The following ALDH5A1 variants were observed in gnomAD, a reference collection of about 807,000 sequenced individuals.
The protein encoded by ALDH5A1 is succinate-semialdehyde dehydrogenase, mitochondrial.
Under a neutral mutation model 54.7 loss-of-function variants are expected in ALDH5A1, and 33 were observed. That is an observed-to-expected ratio of 0.60 (90% CI 0.46 to 0.81). The LOEUF (loss-of-function observed/expected upper bound fraction) is 0.81, where lower values mean the gene tolerates loss of function less well. Ranked by LOEUF, ALDH5A1 falls within the 30% of genes least tolerant of loss-of-function variation. The pLI is 0.00. For synonymous variants in ALDH5A1, 294 were observed against 292.7 expected, an observed-to-expected ratio of 1.00 and a Z score of -0.05; for missense variants, 657 against 711.0, an observed-to-expected ratio of 0.92 and a Z score of 0.86.
At chr6:24,525,397 C>T (rs1349842464) in intron 7 of ALDH5A1, among the ~76,000 whole-genome samples, 1 of 151,988 alleles carries the variant, frequency 6.6e-6, no homozygotes, top group African/African-American at 2.4e-5. Flanking sequence ...TCCTGAAACC[C>T]TATAGAAAAT....
chr6:24,529,505 C>A (rs76549789), intron 8 of ALDH5A1, among the ~76,000 whole-genome samples: 243 of 152,134 alleles, frequency 1.6e-3, no homozygotes, highest in African/African-American at 5.8e-3. Flanking sequence ...GCCAAGAAAT[C>A]TGATTCTTGC....
rs1581801050 is a variant in ALDH5A1, at chr6:24,495,313, A to G, written c.317A>G (p.Tyr106Cys). The part of the protein sequence containing the change: ...REARAAVRAA[Y>C]EAFCRWREVS... ...GCCCGCGCCGCCGTGCGCGCTGCCT[A>G]CGAGGCTTTCTGCCGCTGGAGGGAG... Residue 106 changes from tyrosine (Y) to cysteine (C), a missense_variant, in exon 1 of 10, where the codon TAC becomes TGC. By Grantham distance (194) the Tyr-to-Cys change is radical. Coordinates refer to ENST00000357578, the MANE Select transcript of ALDH5A1 (RefSeq NM_001080.3). The G allele has an allele frequency of 4.6e-6, 7 of 1,533,166 alleles. No individual in the cohort carries two copies. The highest frequency in any genetic ancestry group is 2.4e-5 in the East Asian group (1 of 40,852). The allele number at this position is 1,533,166 out of a possible 1,614,324, so 95.0% of individuals were successfully genotyped here.
Position 24,503,304 on chromosome 6 carries a change from C to A in ALDH5A1, c.480C>A (p.Ser160=), listed in dbSNP as rs143486700. 1 of 1,614,032 alleles carries A rather than the reference C, an allele frequency of 6.2e-7. No homozygotes were observed. Among genetic ancestry groups the A allele is most frequent in the Admixed American group, 1.7e-5 (1 of 60,008 alleles). Reference sequence around the variant, plus strand: ...AGGCACATGGAGAAATTCTCTATTCCGCCTTTTTCCTAGAGTGGTTCTCTG... The same window carrying A: ...AGGCACATGGAGAAATTCTCTATTCAGCCTTTTTCCTAGAGTGGTTCTCTG... The part of the protein sequence containing the change: ...LKEAHGEILY[S]AFFLEWFSEE... The change falls in exon 3 of 10, where the codon TCC becomes TCA. Residue 160 remains serine (S), a synonymous_variant. Transcript: ENST00000357578.
chr6:24,498,250 G>C (rs981225477), intron 1 of ALDH5A1, among the ~76,000 whole-genome samples: 1 of 152,180 alleles, frequency 6.6e-6, no homozygotes, highest in African/African-American at 2.4e-5. Flanking sequence ...AAGCAGTTGG[G>C]TGTATGAGTC....
rs1403058311 is a variant in ALDH5A1 at position 24,515,169 on chromosome 6, T to G, written c.729T>G (p.Leu243=). 1 of 1,612,458 alleles carries G rather than the reference T, an allele frequency of 6.2e-7. No individual in the cohort carries two copies. Among genetic ancestry groups the G allele is most frequent in the Admixed American group, 1.7e-5 (1 of 59,876 alleles). The part of the protein sequence containing the change: ...TPFSALALAE[L]ASQAGIPSGV... Reference sequence around the variant, plus strand: ...ATGTTTGCTGTTTCTCTTTATAGCTTGCAAGCCAGGCTGGGATTCCTTCAG... The same window carrying G: ...ATGTTTGCTGTTTCTCTTTATAGCTGGCAAGCCAGGCTGGGATTCCTTCAG... Residue 243 remains leucine, a splice_region_variant and synonymous_variant, in exon 5 of 10, where the codon CTT becomes CTG. Transcript: ENST00000357578.
At chr6:24,516,423 AGAGT>A (rs1287080728) in intron 5 of ALDH5A1, among the ~76,000 whole-genome samples, 3 of 138,430 alleles carry the variant, frequency 2.2e-5, no homozygotes, top group South Asian at 4.9e-4. Context: ...CCTGGGCGAC[AGAGT>A]GAGACTCTGT....
chr6:24,498,127 T>C (rs149506505), intron 1 of ALDH5A1, among the ~76,000 whole-genome samples: 3 of 152,126 alleles, frequency 2.0e-5, no homozygotes, highest in East Asian at 1.9e-4. Flanking sequence ...GCCTGAGCAA[T>C]TGGAAGGATG....
rs139486423 is a variant in ALDH5A1, at chr6:24,503,305, G to T, written c.481G>T (p.Ala161Ser). The T allele has an allele frequency of 6.2e-7, 1 of 1,614,052 alleles. No homozygotes were observed. Among genetic ancestry groups the T allele is most frequent in the East Asian group, 2.2e-5 (1 of 44,880 alleles). The change falls in exon 3 of 10, where the codon GCC becomes TCC. Residue 161 changes from alanine to serine, a missense_variant. Around this residue, in one of 2 missense-constraint regions of ALDH5A1, gnomAD observed 425 missense variants for 516.4 expected, o/e 0.82. Coordinates refer to ENST00000357578, the MANE Select transcript of ALDH5A1 (RefSeq NM_001080.3). ...GGCACATGGAGAAATTCTCTATTCC[G>T]CCTTTTTCCTAGAGTGGTTCTCTGA... ...KEAHGEILYSAFFLEWFSEEA... is the reference protein window; with the variant it reads ...KEAHGEILYSSFFLEWFSEEA...
At chr6:24,501,814 T>G (rs2817218) in intron 1 of ALDH5A1, among the ~76,000 whole-genome samples, 126,571 of 151,422 alleles carry the variant, frequency 0.84, 53,643 homozygotes, top group Non-Finnish European at 0.92. Context: ...AACACAGAAG[T>G]TCAATGTATG....
rs1399417438 is a variant in ALDH5A1 at position 24,532,112 on chromosome 6, T to C, written c.1344-7T>C. 5.0e-6 allele frequency: 8 copies of C among 1,613,958 alleles called. No individual in the cohort carries two copies. The highest frequency in any genetic ancestry group is 6.8e-6 in the Non-Finnish European group (8 of 1,179,912). On this transcript the variant is annotated splice_polypyrimidine_tract_variant and splice_region_variant and intron_variant, in intron 8 of 9. Transcript: ENST00000357578. ...ACATTTTTTATGACCTATCTTAACT[T>C]TGGCAGGTTCGATACAGAGGAGGAG...
At chr6:24,524,908 C>T (rs1362774733) in intron 7 of ALDH5A1, among the ~76,000 whole-genome samples, 1 of 152,138 alleles carries the variant, frequency 6.6e-6, no homozygotes, top group Non-Finnish European at 1.5e-5. Flanking sequence ...TTTCTAAGTG[C>T]CCCAGTATGA....
intron 4 of ALDH5A1, among the ~76,000 whole-genome samples, chr6:24,506,591 A>G (rs1274689713): frequency 6.6e-6 from 1 of 152,080 alleles, no homozygotes; most frequent in East Asian, 1.9e-4. Context: ...GACTGAATTA[A>G]TATTCTGTAT....
In ALDH5A1 at chr6:24,528,369, TTTTTTC is replaced by T. The variant is rs141038864; in HGVS notation, c.1343+209_1343+214del. ...CATAAAATTTATCAAATTCTATTTT[TTTTTTC>T]TTTTTGAGATGGAGTTTCACTGTGT... is the stretch of plus-strand genomic sequence containing the variant. On this transcript the variant is annotated intron_variant, in intron 8 of 9. Transcript: ENST00000357578. Among the ~76,000 whole-genome samples the T allele has an allele frequency of 0.021, 3,252 of 152,262 alleles. 55 individuals carry two copies. Among genetic ancestry groups the T allele is most frequent in the African/African-American group, 0.055 (2,278 of 41,532 alleles).
At position 24,495,160 on chromosome 6, in the gene ALDH5A1, C is replaced by G. The variant is rs1472036270; in HGVS notation, c.164C>G (p.Ser55Cys). Reference sequence around the variant, plus strand: ...TACGCTGGGCGCCTGGCGGGCCTCTCTGCGGCGCTGCTGCGCACCGACAGC... The same window carrying G: ...TACGCTGGGCGCCTGGCGGGCCTCTGTGCGGCGCTGCTGCGCACCGACAGC... ...RCYAGRLAGL[S>C]AALLRTDSFV... Residue 55 changes from serine (S) to cysteine (C), a missense_variant, in exon 1 of 10, where the codon TCT becomes TGT. Ser to Cys is a moderately radical substitution (Grantham distance 112). Transcript: ENST00000357578. 2 of 1,460,548 alleles carry G rather than the reference C, an allele frequency of 1.4e-6. No homozygotes were observed. The highest frequency in any genetic ancestry group is 9.0e-7 in the Non-Finnish European group (1 of 1,113,484). The allele number at this position is 1,460,548 out of a possible 1,614,324, so 90.5% of individuals were successfully genotyped here.
intron 4 of ALDH5A1, among the ~76,000 whole-genome samples, chr6:24,507,470 GT>G (rs34503774): frequency 4.6e-5 from 7 of 151,420 alleles, no homozygotes; most frequent in African/African-American, 1.2e-4. Flanking sequence ...GTTTGGTTTG[GT>G]TTTTTTCCCC....
rs1764687383 is a variant in ALDH5A1 at position 24,495,647 on chromosome 6, G to C, written c.354+297G>C. Among the ~76,000 whole-genome samples, 4 of 152,178 alleles carry C rather than the reference G, an allele frequency of 2.6e-5. No homozygotes were observed. In the South Asian group the frequency reaches 8.3e-4, roughly 32 times the overall value. On this transcript the variant is annotated intron_variant, in intron 1 of 9. Transcript: ENST00000357578. ...TAATACAAGCGAGCTGCTTGTTATG[G>C]TCAACAAGCCTAACCGTGGAGGGGC...
Position 24,526,974 on chromosome 6 carries a change from G to GTATATATATA in ALDH5A1, c.1174-998_1174-989dup, listed in dbSNP as rs58873176. 4.6e-3 allele frequency among the ~76,000 whole-genome samples: 142 copies of GTATATATATA among 30,570 alleles called. 2 individuals carry two copies. Among genetic ancestry groups the GTATATATATA allele is most frequent in the African/African-American group, 0.012 (117 of 10,120 alleles). The allele number at this position is 30,570 out of a possible 152,430, so 20.1% of individuals were successfully genotyped here. A position where few individuals can be genotyped will look rare whatever the true frequency, so the allele number is the denominator to read the frequency against. On this transcript the variant is annotated intron_variant, in intron 7 of 9. Transcript: ENST00000357578. ...ATCTAATATATATATATGTGTGTGT[G>GTATATATATA]TATATATATATATATATATATATAT...
intron 8 of ALDH5A1, among the ~76,000 whole-genome samples, chr6:24,528,400 T>G (rs1194688857): frequency 6.6e-6 from 1 of 152,158 alleles, no homozygotes; most frequent in African/African-American, 2.4e-5. Context: ...TTTCACTGTG[T>G]TGCCCAGGCT....
chr6:24,523,688 G>A (rs566566409), intron 7 of ALDH5A1, among the ~76,000 whole-genome samples: 44 of 152,302 alleles, frequency 2.9e-4, no homozygotes, highest in African/African-American at 9.6e-4. Context: ...GATGGTTTGC[G>A]TTTCGGCTGT....
Sources: gnomAD v4.1 joint callset for allele counts (sites outside exome capture counted in the v4.1 genomes callset) on GRCh38, gnomAD v4.1.1 for gene constraint, gnomAD v4.1.1 regional missense constraint, MANE v1.5 for transcripts, NCBI Gene and HGNC (gene_info 2026-07-23, HGNC 2026-07-21) for gene names.